Variants in CFAP54 observed in about 807,000 individuals in gnomAD.
CFAP54 encodes the protein cilia and flagella associated protein 54.
Under a neutral mutation model 370.4 loss-of-function variants are expected in CFAP54, and 290 were observed. The observed-to-expected ratio is 0.78, with a 90% CI of 0.71 to 0.86. The LOEUF is 0.86. Ranked by LOEUF, CFAP54 falls within the 40% of genes least tolerant of loss-of-function variation. The pLI is 0.00. For synonymous variants in CFAP54, 1,206 were observed against 1,236.5 expected (o/e 0.98, Z 0.52); for missense variants, 3,399 against 3,528.7 (o/e 0.96, Z 0.93).
chr12:96,790,172 G>A lies in CFAP54; in HGVS notation c.8680-2157G>A, dbSNP rs547231089. The stretch of plus-strand genomic sequence containing the variant: ...ATTAAAAATTTCCCAAAAAGAATAT[G>A]ATTAAAACTGTGCATAATGCTGAGT... On this transcript the variant is annotated intron_variant, in intron 62 of 67. Coordinates refer to ENST00000524981, the MANE Select transcript of CFAP54 (RefSeq NM_001306084.2). Among the ~76,000 whole-genome samples the A allele has an allele frequency of 3.0e-3, 452 of 152,206 alleles. 5 individuals carry two copies. The highest frequency in any genetic ancestry group is 3.3e-3 in the South Asian group (16 of 4,816).
chr12:96,833,265 A>G (rs569405645), intron 66 of CFAP54, among the ~76,000 whole-genome samples: 1 of 152,306 alleles, frequency 6.6e-6, no homozygotes, highest in East Asian at 1.9e-4. Context: ...TAGGATTCAA[A>G]CATGATGCTA....
rs117432331 is a variant in CFAP54 at position 96,852,843 on chromosome 12, C to A, written c.9172-7976C>A. 1.9e-4 allele frequency among the ~76,000 whole-genome samples: 29 copies of A among 152,188 alleles called. No homozygotes were observed. In the East Asian group the frequency reaches 5.0e-3, roughly 26 times the overall value. On this transcript the variant is annotated intron_variant, in intron 66 of 67. Coordinates refer to ENST00000524981, the MANE Select transcript of CFAP54 (RefSeq NM_001306084.2). ...ATTGGACCAAAGACCTGTACTTCAA[C>A]AGAGTCCTATACTTAAGTTCAGTGT... is the stretch of plus-strand genomic sequence containing the variant.
intron 39 of CFAP54, among the ~76,000 whole-genome samples, chr12:96,668,619 A>G (rs192444195): frequency 6.6e-6 from 1 of 152,352 alleles, no homozygotes; most frequent in African/African-American, 2.4e-5. Context: ...TGGGAGCTAC[A>G]ATTCAAGATG....
intron 52 of CFAP54, 23 bp from the exon 53 acceptor site, chr12:96,743,379 A>G (rs770814637): frequency 1.4e-5 from 22 of 1,607,784 alleles, no homozygotes; most frequent in Non-Finnish European, 1.8e-5. Context: ...TGCATTTTAA[A>G]TAACCGCATT....
intron 55 of CFAP54, among the ~76,000 whole-genome samples, chr12:96,745,846 C>G (rs1164881501): frequency 6.6e-6 from 1 of 152,140 alleles, no homozygotes; most frequent in African/African-American, 2.4e-5. Flanking sequence ...GAGTCAAGGT[C>G]CCTTGAAGGG....
chr12:96,871,826 T>C (rs958303941), intron 67 of CFAP54, among the ~76,000 whole-genome samples: 3 of 152,120 alleles, frequency 2.0e-5, no homozygotes, highest in African/African-American at 7.2e-5. Flanking sequence ...AATAGTACAC[T>C]TCTGGACAGA....
chr12:96,580,181 A>G (rs1956018075), intron 20 of CFAP54, among the ~76,000 whole-genome samples: 1 of 151,944 alleles, frequency 6.6e-6, no homozygotes, highest in African/African-American at 2.4e-5. Flanking sequence ...TTTTTACATC[A>G]AGACAAAGTC....
At chr12:96,852,127 A>G (rs994291279) in intron 66 of CFAP54, among the ~76,000 whole-genome samples, 2 of 152,122 alleles carry the variant, frequency 1.3e-5, no homozygotes, top group Non-Finnish European at 2.9e-5. Context: ...GAAAATTCAC[A>G]TGGACATACA....
intron 39 of CFAP54, among the ~76,000 whole-genome samples, chr12:96,665,955 G>T (rs1320019577): frequency 6.6e-6 from 1 of 152,128 alleles, no homozygotes; most frequent in Non-Finnish European, 1.5e-5. Flanking sequence ...CCATGAACAT[G>T]GAATGTTTTT....
intron 47 of CFAP54, among the ~76,000 whole-genome samples, chr12:96,707,019 G>A (rs1957554475): frequency 6.6e-6 from 1 of 152,094 alleles, no homozygotes; most frequent in South Asian, 2.1e-4. Context: ...GATCACCTAA[G>A]GGGAGGGAGT....
chr12:96,730,314 A>T (rs1170756015), intron 50 of CFAP54, among the ~76,000 whole-genome samples: 1 of 152,222 alleles, frequency 6.6e-6, no homozygotes, highest in African/African-American at 2.4e-5. Context: ...CAGGAAATGC[A>T]AGACTTCTAT....
At chr12:96,802,442 G>A (rs1389614204) in intron 63 of CFAP54, among the ~76,000 whole-genome samples, 2 of 152,096 alleles carry the variant, frequency 1.3e-5, no homozygotes, top group Non-Finnish European at 2.9e-5. Context: ...AACACCCACT[G>A]CCCTACTATG....
At chr12:96,506,753 A>G (rs1592819559) in intron 3 of CFAP54, among the ~76,000 whole-genome samples, 175 bp from the exon 4 acceptor site, 1 of 151,778 alleles carries the variant, frequency 6.6e-6, no homozygotes, top group Admixed American at 6.6e-5. Context: ...CGCCCAGCTA[A>G]TTTTTGTATT....
chr12:96,535,495 C>T lies in CFAP54; in HGVS notation c.1706-20C>T. ...GTAAGTGATTTTTTTGTTTCATTTT[C>T]CTCTACTTTATGAACTTAGATACTT... On this transcript the variant is annotated intron_variant, in intron 11 of 67. Transcript: ENST00000524981. The T allele has an allele frequency of 2.0e-6, 3 of 1,476,882 alleles. No individual in the cohort carries two copies. The highest frequency in any genetic ancestry group is 2.7e-6 in the Non-Finnish European group (3 of 1,099,092). The allele number at this position is 1,476,882 out of a possible 1,614,324, so 91.5% of individuals were successfully genotyped here.
intron 39 of CFAP54, among the ~76,000 whole-genome samples, chr12:96,664,807 A>ATATATC (rs1565934622): frequency 8.7e-5 from 2 of 23,112 alleles, no homozygotes; most frequent in African/African-American, 4.2e-4. Context: ...ATATATATAT[A>ATATATC]TATATAGATA....
intron 67 of CFAP54, among the ~76,000 whole-genome samples, chr12:96,864,730 G>A (rs1959961065): frequency 6.6e-6 from 1 of 152,132 alleles, no homozygotes. Context: ...TGGACACATA[G>A]TTTTGTATTG....
intron 26 of CFAP54, among the ~76,000 whole-genome samples, chr12:96,608,434 A>T (rs1477102): frequency 3.0e-4 from 44 of 148,330 alleles, no homozygotes; most frequent in Non-Finnish European, 6.2e-4. Flanking sequence ...TGTGACCATG[A>T]GCAGAACTTT....
At chr12:96,678,659 A>G (rs969099400) in intron 39 of CFAP54, among the ~76,000 whole-genome samples, 3 of 152,010 alleles carry the variant, frequency 2.0e-5, no homozygotes, top group African/African-American at 7.3e-5. Context: ...CTCTTCCACA[A>G]GGTCTTTGTT....
chr12:96,709,073 A>G (rs568794757), intron 48 of CFAP54, among the ~76,000 whole-genome samples: 1 of 152,308 alleles, frequency 6.6e-6, no homozygotes, highest in African/African-American at 2.4e-5. Context: ...TATTTACAAA[A>G]TGGTATATTC....
Sources: allele counts gnomAD v4.1 joint callset (sites outside exome capture counted in the v4.1 genomes callset), GRCh38; gene constraint gnomAD v4.1.1; transcripts MANE v1.5; gene names NCBI Gene and HGNC (gene_info 2026-07-23, HGNC 2026-07-21).